DLG2: variants seen among roughly 807,000 people sequenced by gnomAD.
DLG2 encodes disks large homolog 2.
In DLG2, 45 loss-of-function variants were observed where a neutral mutation model predicts 132.5. That is an observed-to-expected ratio of 0.34 (90% CI 0.27 to 0.44). The LOEUF is 0.44. Among genes scored for constraint, DLG2 ranks in the 20% least tolerant of loss-of-function variants. The pLI is 1.00. For synonymous variants in DLG2, 424 were observed against 419.6 expected (o/e 1.01, Z -0.13); for missense variants, 1,045 against 1,196.9 (o/e 0.87, Z 1.87).
chr11:84,208,569 A>G (rs2096708540), intron 8 of DLG2, among the ~76,000 whole-genome samples: 1 of 152,000 alleles, frequency 6.6e-6, no homozygotes, highest in Admixed American at 6.6e-5. Context: ...GTCTCGAACT[A>G]CTGAACTCAG....
chr11:83,552,955 T>C (rs940926210), intron 19 of DLG2, among the ~76,000 whole-genome samples: 10 of 152,228 alleles, frequency 6.6e-5, no homozygotes, highest in Admixed American at 2.0e-4. Flanking sequence ...CATTGTAACC[T>C]TGTATGTGGT....
chr11:84,433,040 T>G (rs772538631), intron 7 of DLG2, among the ~76,000 whole-genome samples: 2 of 151,926 alleles, frequency 1.3e-5, no homozygotes, highest in African/African-American at 2.4e-5. Context: ...TCAAAAAAAG[T>G]TTTCCAAGGT....
At chr11:83,882,050 A>T (rs1404011601) in intron 15 of DLG2, among the ~76,000 whole-genome samples, 2 of 152,200 alleles carry the variant, frequency 1.3e-5, no homozygotes, top group South Asian at 4.1e-4. Flanking sequence ...GAAATCCAGC[A>T]TGGAAAGTAT....
intron 5 of DLG2, among the ~76,000 whole-genome samples, chr11:85,121,619 A>C (rs1438529115): frequency 6.6e-6 from 1 of 152,082 alleles, no homozygotes; most frequent in Non-Finnish European, 1.5e-5. Flanking sequence ...GGTTTATCAT[A>C]GATGTGATTC....
intron 18 of DLG2, among the ~76,000 whole-genome samples, chr11:83,712,785 G>A (rs553248908): frequency 6.6e-6 from 1 of 152,064 alleles, no homozygotes; most frequent in African/African-American, 2.4e-5. Flanking sequence ...CACACAGTGG[G>A]AAACAACACA....
chr11:85,184,936 T>C (rs1488177443), intron 4 of DLG2, among the ~76,000 whole-genome samples: 1 of 151,892 alleles, frequency 6.6e-6, no homozygotes, highest in Non-Finnish European at 1.5e-5. Context: ...TTATGGCAAC[T>C]GGGGAACGTG....
intron 7 of DLG2, among the ~76,000 whole-genome samples, chr11:84,501,721 G>GA (rs899853880): frequency 9.8e-4 from 148 of 151,594 alleles, no homozygotes; most frequent in African/African-American, 3.3e-3. Flanking sequence ...TCTCTATAAT[G>GA]AAAAAAAATG....
intron 21 of DLG2, among the ~76,000 whole-genome samples, chr11:83,529,638 T>C (rs1317866791): frequency 6.6e-6 from 1 of 151,950 alleles, no homozygotes; most frequent in Non-Finnish European, 1.5e-5. Context: ...ACTCCAGATA[T>C]AAACTATCAA....
At position 84,783,913 on chromosome 11, in the gene DLG2, C is replaced by T. The variant is rs551988877; in HGVS notation, c.358-249182G>A. ...AAATCTGCTTAGGTATAAGCTATGG[C>T]TAAGGGAGTTGGGAAGCAAATGGAG... On this transcript the variant is annotated intron_variant, in intron 6 of 27. Coordinates refer to ENST00000376104, the MANE Select transcript of DLG2 (RefSeq NM_001142699.3). Among the ~76,000 whole-genome samples the T allele has an allele frequency of 7.9e-5, 12 of 151,980 alleles. No individual in the cohort carries two copies. The East Asian group carries it at 2.1e-3, about 27-fold the overall frequency.
intron 3 of DLG2, among the ~76,000 whole-genome samples, chr11:85,447,356 T>G (rs1484742494): frequency 6.6e-6 from 1 of 152,154 alleles, no homozygotes; most frequent in African/African-American, 2.4e-5. Flanking sequence ...GTGACTATAT[T>G]TAGAGATGGG....
At chr11:84,242,127 C>T (rs1427334258) in intron 8 of DLG2, among the ~76,000 whole-genome samples, 1 of 152,148 alleles carries the variant, frequency 6.6e-6, no homozygotes, top group African/African-American at 2.4e-5. Context: ...AAAGACGGGC[C>T]AATATTGCTA....
chr11:84,840,790 A>T (rs1372184295), intron 6 of DLG2, among the ~76,000 whole-genome samples: 1 of 152,086 alleles, frequency 6.6e-6, no homozygotes, highest in African/African-American at 2.4e-5. Context: ...GAATTGAACA[A>T]TGAGAACACT....
chr11:83,737,903 CT>C (rs2092119944), intron 18 of DLG2, among the ~76,000 whole-genome samples: 1 of 152,154 alleles, frequency 6.6e-6, no homozygotes, highest in African/African-American at 2.4e-5. Context: ...TCCACTTATT[CT>C]TTTGGTGATG....
intron 3 of DLG2, among the ~76,000 whole-genome samples, chr11:85,344,601 A>G (rs1376461440): frequency 6.6e-6 from 1 of 152,118 alleles, no homozygotes; most frequent in Non-Finnish European, 1.5e-5. Context: ...TATTTAGATT[A>G]TATTATGCAA....
intron 3 of DLG2, among the ~76,000 whole-genome samples, chr11:85,369,925 A>T (rs1271833904): frequency 6.6e-6 from 1 of 152,230 alleles, no homozygotes; most frequent in East Asian, 1.9e-4. Flanking sequence ...ACATGACTTT[A>T]ATCTTTGAGA....
intron 16 of DLG2, among the ~76,000 whole-genome samples, chr11:83,873,141 C>A (rs1441942236): frequency 2.0e-5 from 3 of 152,156 alleles, no homozygotes; most frequent in African/African-American, 7.2e-5. Context: ...CAGAGCCACA[C>A]AGTGGAGTCA....
rs1018869361 is a variant in DLG2, at chr11:84,483,300, C to T, written c.519+51270G>A. On this transcript the variant is annotated intron_variant, in intron 7 of 27. Coordinates refer to ENST00000376104, the MANE Select transcript of DLG2 (RefSeq NM_001142699.3). ...TACAAAAATTAGGCAGGCATGATGG[C>T]GGGTGCCTGTAATCCCAGCTACTTG... 5.9e-5 allele frequency among the ~76,000 whole-genome samples: 9 copies of T among 151,708 alleles called. No homozygotes were observed. The South Asian group carries it at 1.3e-3, about 21-fold the overall frequency.
intron 6 of DLG2, among the ~76,000 whole-genome samples, chr11:84,698,975 A>T (rs1304863979): frequency 2.6e-5 from 4 of 151,572 alleles, no homozygotes; most frequent in African/African-American, 7.3e-5. Context: ...ATTTTCAGTC[A>T]TCTTCTGGTG....
chr11:84,860,582 C>T (rs1295238082), intron 6 of DLG2, among the ~76,000 whole-genome samples: 3 of 151,978 alleles, frequency 2.0e-5, no homozygotes, highest in African/African-American at 7.2e-5. Context: ...ACTGTACTTC[C>T]AAGTTGACTG....
Sources: gnomAD v4.1 joint callset for allele counts (sites outside exome capture counted in the v4.1 genomes callset) on GRCh38, gnomAD v4.1.1 for gene constraint, MANE v1.5 for transcripts, NCBI Gene and HGNC (gene_info 2026-07-23, HGNC 2026-07-21) for gene names.